Variants in NEK11 observed in about 807,000 individuals in gnomAD.
NEK11 encodes the protein NIMA related kinase 11.
A neutral mutation model predicts 80.7 loss-of-function variants in NEK11; 72 were observed. The ratio of observed to expected loss-of-function variants is 0.89; its 90% CI spans 0.74 to 1.08. The LOEUF is 1.08. NEK11 is among the 50% of genes least tolerant of loss of function. The pLI is 0.00. For missense variants in NEK11, 764 were observed against 763.6 expected, an observed-to-expected ratio of 1.00 and a Z score of -0.01; for synonymous variants, 251 against 260.7, an observed-to-expected ratio of 0.96 and a Z score of 0.36.
At chr3:131,317,954 C>T (rs1170920401) in intron 17 of NEK11, among the ~76,000 whole-genome samples, 2 of 152,096 alleles carry the variant, frequency 1.3e-5, no homozygotes, top group Non-Finnish European at 2.9e-5. Flanking sequence ...TGACTTGCTC[C>T]ACTCTGCAGA....
At chr3:131,244,316 G>GATTT (rs1340296075) in intron 16 of NEK11, among the ~76,000 whole-genome samples, 3 of 152,028 alleles carry the variant, frequency 2.0e-5, no homozygotes, top group Non-Finnish European at 2.9e-5. Context: ...CATAACATAA[G>GATTT]TCTTTGATTT....
chr3:131,080,603 TTCTCTTGGAAGTCTTTA>T lies in NEK11; in HGVS notation c.336+17_336+33del, dbSNP rs1214569413. 1 of 1,593,820 alleles carries T rather than the reference TTCTCTTGGAAGTCTTTA, an allele frequency of 6.3e-7. No homozygotes were observed. The highest frequency in any genetic ancestry group is 1.8e-5 in the Admixed American group (1 of 54,596). ...AGTACTGTGAGGTGAGACTCTCCTT[TTCTCTTGGAAGTCTTTA>T]TAAAAACTTGCTGAATGGTAAAAAG... On this transcript the variant is annotated intron_variant, in intron 4 of 17. Coordinates refer to ENST00000383366, the MANE Select transcript of NEK11 (RefSeq NM_024800.5).
chr3:131,273,659 C>A, intron 17 of NEK11, 85 bp downstream of exon 17: 1 of 993,466 alleles, frequency 1.0e-6, no homozygotes, highest in Non-Finnish European at 1.6e-6. Context: ...GTGATACTGT[C>A]TTAGTCCATT....
intron 7 of NEK11, among the ~76,000 whole-genome samples, chr3:131,145,371 G>A (rs1196718900): frequency 6.6e-6 from 1 of 152,034 alleles, no homozygotes; most frequent in Non-Finnish European, 1.5e-5. Flanking sequence ...AAACCAGAAA[G>A]GTGATCAATT....
chr3:131,345,836 T>G (rs1364280548), intron 17 of NEK11, among the ~76,000 whole-genome samples: 1 of 152,176 alleles, frequency 6.6e-6, no homozygotes, highest in Non-Finnish European at 1.5e-5. Flanking sequence ...CAATGGAATA[T>G]TATTCAGCCT....
intron 14 of NEK11, among the ~76,000 whole-genome samples, chr3:131,185,037 T>C (rs992082622): frequency 5.9e-5 from 9 of 152,208 alleles, no homozygotes. Flanking sequence ...TTGTATGAAG[T>C]ATAGTCTGTA....
At chr3:131,318,877 T>C (rs2096870462) in intron 17 of NEK11, among the ~76,000 whole-genome samples, 1 of 151,854 alleles carries the variant, frequency 6.6e-6, no homozygotes, top group Non-Finnish European at 1.5e-5. Flanking sequence ...GTAATGCTAA[T>C]TGAACTAATG....
intron 3 of NEK11, among the ~76,000 whole-genome samples, chr3:131,045,819 T>C (rs1267649694): frequency 6.6e-6 from 1 of 152,164 alleles, no homozygotes; most frequent in Non-Finnish European, 1.5e-5. Context: ...AGGATTGTGA[T>C]ATTTTCCTTT....
In NEK11 at chr3:131,098,141, T is replaced by C. The variant is rs1255207957; in HGVS notation, c.337-11662T>C. On this transcript the variant is annotated intron_variant, in intron 4 of 17. Coordinates refer to ENST00000383366, the MANE Select transcript of NEK11 (RefSeq NM_024800.5). ...AACTGGATCCCTTCCTTACACCTTA[T>C]ACAAAAATTAATTCAAGGTGGATTT... Among the ~76,000 whole-genome samples the C allele has an allele frequency of 3.3e-5, 5 of 152,144 alleles. No homozygotes were observed. In the East Asian group the frequency reaches 9.6e-4, roughly 29 times the overall value.
chr3:131,232,261 A>C (rs1273263133), intron 15 of NEK11, among the ~76,000 whole-genome samples: 2 of 152,174 alleles, frequency 1.3e-5, no homozygotes, highest in African/African-American at 2.4e-5. Context: ...CACTTGTGCA[A>C]CCTGTCACTA....
chr3:131,304,487 C>A (rs2096700767), intron 17 of NEK11, among the ~76,000 whole-genome samples: 1 of 152,144 alleles, frequency 6.6e-6, no homozygotes, highest in Non-Finnish European at 1.5e-5. Flanking sequence ...TTTTGAGTTG[C>A]CAGAGTTCTT....
intron 14 of NEK11, among the ~76,000 whole-genome samples, chr3:131,205,884 C>A (rs1171286990): frequency 6.6e-6 from 1 of 152,108 alleles, no homozygotes; most frequent in Non-Finnish European, 1.5e-5. Flanking sequence ...TTTATGAGAT[C>A]TGGGGGAGTT....
intron 3 of NEK11, among the ~76,000 whole-genome samples, chr3:131,049,677 A>C (rs1577437869): frequency 1.3e-5 from 2 of 152,182 alleles, no homozygotes; most frequent in South Asian, 4.1e-4. Flanking sequence ...TTGTCAGATA[A>C]ACTATGCAGA....
chr3:131,115,960 T>TTCTTTCTTTCTTTCTTTC (rs1553878537), intron 5 of NEK11, among the ~76,000 whole-genome samples: 89 of 142,584 alleles, frequency 6.2e-4, no homozygotes, highest in African/African-American at 1.5e-3. Flanking sequence ...CTTTCTTTCT[T>TTCTTTCTTTCTTTCTTTC]TCTTTCTTTC....
intron 14 of NEK11, among the ~76,000 whole-genome samples, chr3:131,215,387 C>A (rs979040484): frequency 2.0e-5 from 3 of 151,500 alleles, no homozygotes; most frequent in African/African-American, 4.9e-5. Context: ...CAGACCTGCA[C>A]GTTGTGCACA....
At chr3:131,336,552 G>A (rs920313819) in intron 17 of NEK11, among the ~76,000 whole-genome samples, 17 of 152,074 alleles carry the variant, frequency 1.1e-4, no homozygotes, top group African/African-American at 3.9e-4. Flanking sequence ...CAGGACATAG[G>A]CGTGGGCAAG....
chr3:131,296,483 G>C (rs909503665), intron 17 of NEK11, among the ~76,000 whole-genome samples: 1 of 152,032 alleles, frequency 6.6e-6, no homozygotes, highest in Non-Finnish European at 1.5e-5. Flanking sequence ...TTTCTTGCAA[G>C]GCAGGTCTCC....
At chr3:131,270,249 C>T (rs1183597648) in intron 16 of NEK11, among the ~76,000 whole-genome samples, 2 of 152,192 alleles carry the variant, frequency 1.3e-5, no homozygotes, top group Non-Finnish European at 2.9e-5. Flanking sequence ...ACAAGGATTT[C>T]TGCGTTGTCA....
chr3:131,145,417 A>G (rs2149735523), intron 7 of NEK11, among the ~76,000 whole-genome samples: 1 of 152,240 alleles, frequency 6.6e-6, no homozygotes, highest in South Asian at 2.1e-4. Context: ...CTTTCCTTCC[A>G]AGCAATGAAA....
Sources: gnomAD v4.1 joint callset for allele counts (sites outside exome capture counted in the v4.1 genomes callset) on GRCh38, gnomAD v4.1.1 for gene constraint, MANE v1.5 for transcripts, NCBI Gene and HGNC (gene_info 2026-07-23, HGNC 2026-07-21) for gene names.